Variants in MRPL19 observed in about 807,000 individuals in gnomAD.
The protein encoded by MRPL19 is large ribosomal subunit protein bL19m.
A neutral mutation model predicts 34.0 loss-of-function variants in MRPL19; 31 were observed. The ratio of observed to expected loss-of-function variants is 0.91; its 90% CI spans 0.68 to 1.23. The LOEUF (loss-of-function observed/expected upper bound fraction) is 1.23, where lower values mean the gene tolerates loss of function less well. Among genes scored for constraint, MRPL19 ranks in the 50% most tolerant of loss-of-function variants. MRPL19 has a pLI of 0.00. For synonymous variants in MRPL19, 152 were observed against 127.7 expected (o/e 1.19, Z -1.28); for missense variants, 384 against 367.6 (o/e 1.04, Z -0.37).
rs892987717 is a variant in MRPL19, at chr2:75,655,084, T to G, written c.678T>G (p.Pro226=). ...PVNELKVKMK[P]KPWSKRWERP... Reference sequence around the variant, plus strand: ...CTTAGCTGAAAGTAAAAATGAAGCCTAAGCCCTGGTCTAAACGCTGGGAAC... The same window carrying G: ...CTTAGCTGAAAGTAAAAATGAAGCCGAAGCCCTGGTCTAAACGCTGGGAAC... The change falls in exon 6 of 6, where the codon CCT becomes CCG. Residue 226 remains proline, a synonymous_variant. Transcript: ENST00000393909. 5 of 1,461,264 alleles carry G rather than the reference T, an allele frequency of 3.4e-6. No individual in the cohort carries two copies. The highest frequency in any genetic ancestry group is 2.9e-5 in the African/African-American group (2 of 69,848). 90.5% of individuals were successfully genotyped at this position (1,461,264 alleles called of 1,614,324 possible). A position where few individuals can be genotyped will look rare whatever the true frequency, so the allele number is the denominator to read the frequency against.
rs1678641172 is a variant in MRPL19 at position 75,662,144 on chromosome 2, A to T, written c.*6859A>T. 6.6e-6 allele frequency: 1 copy of T among 152,310 alleles called. No homozygotes were observed. The highest frequency in any genetic ancestry group is 6.5e-5 in the Admixed American group (1 of 15,292). The allele number at this position is 152,310 out of a possible 1,614,324, so 9.4% of individuals were successfully genotyped here. ...CTTTATTCTGTTCGTGAGTGATTAC[A>T]CTGGTTGACTAATGTTAAAACAACC... is the stretch of plus-strand genomic sequence containing the variant. On this transcript the variant is annotated 3_prime_UTR_variant, in exon 6 of 6. Transcript: ENST00000393909.
chr2:75,651,197 A>G (rs1023447196), intron 2 of MRPL19: 2 of 381,752 alleles, frequency 5.2e-6, no homozygotes, highest in East Asian at 7.0e-5. Context: ...CTTTCTCTTC[A>G]GTTCGATCTG....
Position 75,656,669 on chromosome 2 carries a change from T to C in MRPL19, c.*1384T>C, listed in dbSNP as rs1050024581. 2.0e-5 allele frequency: 3 copies of C among 152,302 alleles called. No individual in the cohort carries two copies. The highest frequency in any genetic ancestry group is 4.4e-5 in the Non-Finnish European group (3 of 68,016). The allele number at this position is 152,302 out of a possible 1,614,324, so 9.4% of individuals were successfully genotyped here. A position where few individuals can be genotyped will look rare whatever the true frequency, so the allele number is the denominator to read the frequency against. On this transcript the variant is annotated 3_prime_UTR_variant, in exon 6 of 6. Transcript: ENST00000393909. ...CATTTTCTTTGTTTCTATTGTTGTA[T>C]TGAGAAATCCAATGCCATTTTGATT...
rs534811333 is a variant in MRPL19, at chr2:75,658,439, T to G, written c.*3154T>G. 6.6e-6 allele frequency among the ~76,000 whole-genome samples: 1 copy of G among 152,214 alleles called. No homozygotes were observed. Among genetic ancestry groups the G allele is most frequent in the Non-Finnish European group, 1.5e-5 (1 of 68,030 alleles). On this transcript the variant is annotated 3_prime_UTR_variant, in exon 6 of 6. Coordinates refer to ENST00000393909, the MANE Select transcript of MRPL19 (RefSeq NM_014763.4). ...TGGGATATGTCTACCTTTTGGCTAT[T>G]GTGAATAATGCTGCAGTAAACATTG...
chr2:75,661,860 CTGAT>C lies in MRPL19; in HGVS notation c.*6578_*6581del, dbSNP rs2104150285. On this transcript the variant is annotated 3_prime_UTR_variant, in exon 6 of 6. Coordinates refer to ENST00000393909, the MANE Select transcript of MRPL19 (RefSeq NM_014763.4). ...ATGTTTATGCCTTCTTTTATCTTGA[CTGAT>C]TGTATGACTATGTCTTCTAGAACAA... 1 of 152,280 alleles carries C rather than the reference CTGAT, an allele frequency of 6.6e-6. No homozygotes were observed. The highest frequency in any genetic ancestry group is 1.5e-5 in the Non-Finnish European group (1 of 68,026). The allele number at this position is 152,280 out of a possible 1,614,324, so 9.4% of individuals were successfully genotyped here.
At position 75,659,522 on chromosome 2, in the gene MRPL19, A is replaced by G. The variant is rs1181389770; in HGVS notation, c.*4237A>G. 6.6e-6 allele frequency among the ~76,000 whole-genome samples: 1 copy of G among 152,110 alleles called. No homozygotes were observed. Among genetic ancestry groups the G allele is most frequent in the Non-Finnish European group, 1.5e-5 (1 of 67,992 alleles). Reference sequence around the variant, plus strand: ...GTCTAGTGCCCTTCCATTTCGGCCCAAAGGATTCCCTTATGCATTTCTTGC... The same window carrying G: ...GTCTAGTGCCCTTCCATTTCGGCCCGAAGGATTCCCTTATGCATTTCTTGC... On this transcript the variant is annotated 3_prime_UTR_variant, in exon 6 of 6. Transcript: ENST00000393909.
chr2:75,648,531 A>T (rs1678265931), intron 2 of MRPL19, among the ~76,000 whole-genome samples: 1 of 152,188 alleles, frequency 6.6e-6, no homozygotes, highest in African/African-American at 2.4e-5. Context: ...AACCTTTAGA[A>T]TCATTAATGT....
chr2:75,658,205 G>A lies in MRPL19; in HGVS notation c.*2920G>A, dbSNP rs1678508296. On this transcript the variant is annotated 3_prime_UTR_variant, in exon 6 of 6. Transcript: ENST00000393909. ...TCCTCCTTGAGTAGCTAAGACTATA[G>A]GCACACATTAACTGCGCCTGGCTGA... Among the ~76,000 whole-genome samples the A allele has an allele frequency of 6.6e-6, 1 of 152,022 alleles. No homozygotes were observed. The highest frequency in any genetic ancestry group is 2.4e-5 in the African/African-American group (1 of 41,414).
chr2:75,647,334 GTGTGTA>G, intron 2 of MRPL19, 115 bp downstream of exon 2: 2 of 959,702 alleles, frequency 2.1e-6, no homozygotes, highest in Non-Finnish European at 3.1e-6. Context: ...GCACGAGCAG[GTGTGTA>G]GGATTCAAGA....
intron 3 of MRPL19, 64 bp downstream of exon 3, chr2:75,652,324 T>TA (rs1678349355): frequency 7.4e-7 from 1 of 1,355,688 alleles, no homozygotes; most frequent in African/African-American, 1.5e-5. Flanking sequence ...ATTGGATGGT[T>TA]AGTTTTCTTA....
intron 2 of MRPL19, among the ~76,000 whole-genome samples, chr2:75,650,470 T>A (rs934108675): frequency 6.6e-6 from 1 of 152,104 alleles, no homozygotes; most frequent in Non-Finnish European, 1.5e-5. Context: ...CTAACAGGAT[T>A]TCTGTGGAAA....
intron 2 of MRPL19, 91 bp downstream of exon 2, chr2:75,647,310 C>T (rs1678246630): frequency 2.5e-6 from 3 of 1,191,546 alleles, no homozygotes; most frequent in African/African-American, 1.5e-5. Flanking sequence ...AAGGTGGGGG[C>T]TGCACCTCCC....
At chr2:75,649,441 T>C (rs1359112728) in intron 2 of MRPL19, among the ~76,000 whole-genome samples, 1 of 152,078 alleles carries the variant, frequency 6.6e-6, no homozygotes, top group Non-Finnish European at 1.5e-5. Context: ...TTACCAGCTA[T>C]TGTTGGTGTC....
Position 75,660,260 on chromosome 2 carries a change from CT to C in MRPL19, c.*4978del, listed in dbSNP as rs1271698488. 6.6e-6 allele frequency among the ~76,000 whole-genome samples: 1 copy of C among 151,978 alleles called. No homozygotes were observed. The highest frequency in any genetic ancestry group is 1.5e-5 in the Non-Finnish European group (1 of 67,984). On this transcript the variant is annotated 3_prime_UTR_variant, in exon 6 of 6. Coordinates refer to ENST00000393909, the MANE Select transcript of MRPL19 (RefSeq NM_014763.4). ...ATTTTGTTCATATGTCTCTTTCTTC[CT>C]TTAGTTCTTTGTCCATGTTTTCCTT...
At chr2:75,649,415 C>T (rs922557985) in intron 2 of MRPL19, among the ~76,000 whole-genome samples, 2 of 151,766 alleles carry the variant, frequency 1.3e-5, no homozygotes, top group African/African-American at 2.4e-5. Flanking sequence ...TTTTTTTGTG[C>T]CTTTTTTTTT....
chr2:75,655,399 C>T lies in MRPL19; in HGVS notation c.*114C>T. 1 of 742,704 alleles carries T rather than the reference C, an allele frequency of 1.3e-6. No homozygotes were observed. The highest frequency in any genetic ancestry group is 2.3e-5 in the South Asian group (1 of 44,014). 46.0% of individuals were successfully genotyped at this position (742,704 alleles called of 1,614,324 possible). On this transcript the variant is annotated 3_prime_UTR_variant, in exon 6 of 6. Transcript: ENST00000393909. ...ATAGTAATTAAGTGAACTAAGCATT[C>T]ATTGTTTTATTAATACTTTTTTTCT...
Position 75,657,994 on chromosome 2 carries a change from C to G in MRPL19, c.*2709C>G, listed in dbSNP as rs113638080. The G allele has an allele frequency of 6.6e-6, 1 of 151,974 alleles. No homozygotes were observed. The highest frequency in any genetic ancestry group is 1.5e-5 in the Non-Finnish European group (1 of 67,982). The allele number at this position is 151,974 out of a possible 1,614,324, so 9.4% of individuals were successfully genotyped here. The stretch of plus-strand genomic sequence containing the variant: ...TTATTACTACTATTTCCAAAATTTT[C>G]TCATCACCCCAAACTGAAACTCTGT... On this transcript the variant is annotated 3_prime_UTR_variant, in exon 6 of 6. Coordinates refer to ENST00000393909, the MANE Select transcript of MRPL19 (RefSeq NM_014763.4).
At chr2:75,655,030 CTTT>C (rs35367062) in intron 5 of MRPL19, 31 bp from the exon 6 acceptor site, 47,400 of 1,129,308 alleles carry the variant, frequency 0.042, 3 homozygotes, top group Non-Finnish European at 0.046. Context: ...CTAATTATTG[CTTT>C]TTTTTTTTTT....
rs530262901 is a variant in MRPL19, at chr2:75,651,403, C to T, written c.222-739C>T. 7 of 537,554 alleles carry T rather than the reference C, an allele frequency of 1.3e-5. 1 individual carries two copies. The highest frequency in any genetic ancestry group is 5.5e-5 in the South Asian group (4 of 72,416). The allele number at this position is 537,554 out of a possible 1,614,324, so 33.3% of individuals were successfully genotyped here. A position where few individuals can be genotyped will look rare whatever the true frequency, so the allele number is the denominator to read the frequency against. ...TGTACCTGGCTTAAAGTTACTGACT[C>T]GCTGCCACTTGGAGACCTAGCTGTC... On this transcript the variant is annotated intron_variant, in intron 2 of 5. Transcript: ENST00000393909.
Sources: gnomAD v4.1 joint callset for allele counts (sites outside exome capture counted in the v4.1 genomes callset) on GRCh38, gnomAD v4.1.1 for gene constraint, MANE v1.5 for transcripts, NCBI Gene and HGNC (gene_info 2026-07-23, HGNC 2026-07-21) for gene names.